The following DYM variants were observed in gnomAD, a reference collection of about 807,000 sequenced individuals.
DYM encodes dymeclin, also known as dyggve-Melchior-Clausen syndrome protein.
DYM carries 78 observed loss-of-function variants against 93.1 expected under a neutral mutation model. The observed-to-expected ratio is 0.84, with a 90% CI of 0.70 to 1.01. The LOEUF (loss-of-function observed/expected upper bound fraction) is 1.01, where lower values mean the gene tolerates loss of function less well. Ranked by LOEUF, DYM falls within the 50% of genes least tolerant of loss-of-function variation. The pLI is 0.00. For missense variants in DYM, 789 were observed against 845.0 expected (o/e 0.93, Z 0.82); for synonymous variants, 321 against 319.7 (o/e 1.00, Z -0.04).
intron 2 of DYM, chr18:49,413,023 T>C (rs2072460616): frequency 6.6e-6 from 1 of 152,232 alleles, no homozygotes; most frequent in Non-Finnish European, 1.5e-5. Flanking sequence ...CTGATTATGA[T>C]CTGCAGCTTT....
At chr18:49,299,552 A>G (rs561673582) in intron 8 of DYM, among the ~76,000 whole-genome samples, 2 of 152,090 alleles carry the variant, frequency 1.3e-5, no homozygotes, top group Non-Finnish European at 2.9e-5. Flanking sequence ...TCCACTACTA[A>G]ACAACCCTGA....
At chr18:49,452,655 C>A (rs1296237578) in intron 1 of DYM, among the ~76,000 whole-genome samples, 1 of 77,622 alleles carries the variant, frequency 1.3e-5, no homozygotes, top group Non-Finnish European at 2.7e-5. Flanking sequence ...GCCGTGGGCT[C>A]CTGCGTGGCC....
chr18:49,095,891 C>T (rs896611944), intron 17 of DYM, among the ~76,000 whole-genome samples: 1 of 151,964 alleles, frequency 6.6e-6, no homozygotes, highest in Non-Finnish European at 1.5e-5. Context: ...TTGCAGTGTC[C>T]TTTTTTGGCA....
chr18:49,225,017 G>A (rs2093479275), intron 13 of DYM, among the ~76,000 whole-genome samples: 1 of 152,032 alleles, frequency 6.6e-6, no homozygotes, highest in Non-Finnish European at 1.5e-5. Context: ...AATGTCCACT[G>A]GATTTGGCAA....
At chr18:49,140,096 T>C (rs1159003458) in intron 15 of DYM, among the ~76,000 whole-genome samples, 7 of 152,164 alleles carry the variant, frequency 4.6e-5, no homozygotes, top group Non-Finnish European at 1.0e-4. Context: ...CTAAGTGCTC[T>C]GAACTCAATG....
At chr18:49,218,668 T>C (rs1348267933) in intron 13 of DYM, among the ~76,000 whole-genome samples, 1 of 151,838 alleles carries the variant, frequency 6.6e-6, no homozygotes, top group Non-Finnish European at 1.5e-5. Context: ...GGGTATATAA[T>C]GAAATGAAGG....
chr18:49,357,137 A>G (rs191550726), intron 6 of DYM, among the ~76,000 whole-genome samples: 1 of 152,264 alleles, frequency 6.6e-6, no homozygotes, highest in African/African-American at 2.4e-5. Context: ...TGCCTCTTTA[A>G]TGATTTAGCC....
chr18:49,312,008 A>T (rs763942104), intron 8 of DYM, among the ~76,000 whole-genome samples: 23 of 152,222 alleles, frequency 1.5e-4, no homozygotes, highest in Non-Finnish European at 2.9e-4. Context: ...TTTCCTGGTA[A>T]CTTTTTTTCT....
intron 8 of DYM, among the ~76,000 whole-genome samples, chr18:49,301,155 G>T (rs2060904952): frequency 6.6e-6 from 1 of 152,114 alleles, no homozygotes; most frequent in Admixed American, 6.6e-5. Flanking sequence ...CTAATATGGG[G>T]TCTTTATTAT....
chr18:49,126,431 A>C (rs2082836038), intron 15 of DYM: 1 of 152,216 alleles, frequency 6.6e-6, no homozygotes, highest in South Asian at 2.1e-4. Flanking sequence ...CTATGATTAG[A>C]TGTCTGGTTC....
rs1161978300 is a variant in DYM, at chr18:49,311,841, G to A, written c.763+20023C>T. Among the ~76,000 whole-genome samples the A allele has an allele frequency of 5.3e-5, 8 of 150,244 alleles. 1 individual carries two copies. The highest frequency in any genetic ancestry group is 4.2e-4 in the South Asian group (2 of 4,772). On this transcript the variant is annotated intron_variant, in intron 8 of 17. Transcript: ENST00000675505. The stretch of plus-strand genomic sequence containing the variant: ...GTATACATATGTAACAAACCTTCAC[G>A]TTATGCACATGTACCCTAGAACTTA...
At chr18:49,220,010 G>C (rs1363559726) in intron 13 of DYM, among the ~76,000 whole-genome samples, 1 of 151,468 alleles carries the variant, frequency 6.6e-6, no homozygotes, top group African/African-American at 2.4e-5. Context: ...AAACCCCATT[G>C]TCTCAGCCCA....
chr18:49,292,502 A>C (rs2060204158), intron 8 of DYM, among the ~76,000 whole-genome samples: 1 of 151,026 alleles, frequency 6.6e-6, no homozygotes, highest in African/African-American at 2.4e-5. Context: ...AATACTGGAC[A>C]AAGATTCTTC....
chr18:49,092,026 G>A (rs1341685970), intron 17 of DYM, among the ~76,000 whole-genome samples: 1 of 152,126 alleles, frequency 6.6e-6, no homozygotes, highest in Non-Finnish European at 1.5e-5. Context: ...GGCAATATCG[G>A]AGCCCATCAC....
chr18:49,378,760 C>G (rs2067757733), intron 4 of DYM, 60 bp from the exon 5 acceptor site: 1 of 1,570,200 alleles, frequency 6.4e-7, no homozygotes, highest in Non-Finnish European at 8.7e-7. Context: ...TAGTTTATTT[C>G]TAGTTCATGA....
At chr18:49,127,281 A>T (rs2082915913) in intron 15 of DYM, among the ~76,000 whole-genome samples, 1 of 152,218 alleles carries the variant, frequency 6.6e-6, no homozygotes, top group Non-Finnish European at 1.5e-5. Flanking sequence ...TACATCAAAT[A>T]TGTTGGGAAT....
intron 17 of DYM, among the ~76,000 whole-genome samples, chr18:49,076,510 G>C (rs1271672063): frequency 6.6e-6 from 1 of 152,188 alleles, no homozygotes; most frequent in African/African-American, 2.4e-5. Flanking sequence ...TATATAAAGA[G>C]TTATCATGTA....
chr18:49,202,831 G>A (rs1385819825), intron 14 of DYM, among the ~76,000 whole-genome samples: 4 of 79,512 alleles, frequency 5.0e-5, no homozygotes, highest in African/African-American at 1.3e-4. Context: ...GAGCCTCTCC[G>A]CCCGGCAGCC....
chr18:49,446,816 C>T (rs112286146), intron 1 of DYM, among the ~76,000 whole-genome samples: 13,945 of 152,076 alleles, frequency 0.092, 860 homozygotes, highest in East Asian at 0.31. Flanking sequence ...CCCAGCACTT[C>T]GGCAGGCCAA....
Sources: gnomAD v4.1 joint callset for allele counts (sites outside exome capture counted in the v4.1 genomes callset) on GRCh38, gnomAD v4.1.1 for gene constraint, MANE v1.5 for transcripts, NCBI Gene and HGNC (gene_info 2026-07-23, HGNC 2026-07-21) for gene names.